The following SNF8 variants were observed in gnomAD, a reference collection of about 807,000 sequenced individuals.
SNF8 encodes SNF8 subunit of ESCRT-II.
In SNF8, 19 loss-of-function variants were observed where a neutral mutation model predicts 36.8. The ratio of observed to expected loss-of-function variants is 0.52; its 90% CI spans 0.36 to 0.76. SNF8 has a LOEUF of 0.76. SNF8 is among the 30% of genes least tolerant of loss of function. SNF8 has a pLI of 0.00. For missense variants in SNF8, 268 were observed against 322.9 expected (o/e 0.83, Z 1.30); for synonymous variants, 127 against 127.4 (o/e 1.00, Z 0.02).
chr17:48,933,626 T>C, intron 5 of SNF8: 1 of 337,370 alleles, frequency 3.0e-6, no homozygotes, highest in South Asian at 3.6e-5. Flanking sequence ...CTATAATCCT[T>C]GGGAGGCTGA....
Position 48,929,786 on chromosome 17 carries a change from G to C in SNF8, c.*689C>G, listed in dbSNP as rs1193820679. The C allele has an allele frequency of 6.6e-6, 1 of 152,178 alleles. No individual in the cohort carries two copies. The highest frequency in any genetic ancestry group is 1.5e-5 in the Non-Finnish European group (1 of 68,034). 9.4% of individuals were successfully genotyped at this position (152,178 alleles called of 1,614,324 possible). A position where few individuals can be genotyped will look rare whatever the true frequency, so the allele number is the denominator to read the frequency against. On this transcript the variant is annotated 3_prime_UTR_variant, in exon 8 of 8. Transcript: ENST00000502492. ...TTGGTGAAATTTAAGTGAGCTGTAT[G>C]TAAAATGGCACAGGGTAGGTGTTCA...
intron 5 of SNF8, 146 bp downstream of exon 5, chr17:48,936,013 ATTTTTTGTTTG>A (rs889122132): frequency 5.9e-5 from 29 of 487,860 alleles, no homozygotes; most frequent in Non-Finnish European, 2.9e-5. Context: ...CCTATCTCTT[ATTTTTTGTTTG>A]TTTTTTGTTT....
At position 48,943,908 on chromosome 17, in the gene SNF8, C is replaced by G. The variant is rs201779489; in HGVS notation, c.105+17G>C. 5.3e-5 allele frequency: 85 copies of G among 1,612,926 alleles called. No individual in the cohort carries two copies. Among genetic ancestry groups the G allele is most frequent in the Non-Finnish European group, 6.4e-5 (76 of 1,178,970 alleles). ...GTTAGGTCTCCCTCCCTGCCTGGGG[C>G]CCCCCAACCGACTTACCTGGGCTAG... On this transcript the variant is annotated intron_variant, in intron 2 of 7. Transcript: ENST00000502492.
rs1198648864 is a variant in SNF8, at chr17:48,930,185, A to G, written c.*290T>C. ...AGCTACAAAGACTAGACAGGCCAGGAAACAACCCACATTCTAGGCCCAGCT... is the reference window on the plus strand; with the variant it reads ...AGCTACAAAGACTAGACAGGCCAGGGAACAACCCACATTCTAGGCCCAGCT... On this transcript the variant is annotated 3_prime_UTR_variant, in exon 8 of 8. Transcript: ENST00000502492. 8.0e-6 allele frequency: 2 copies of G among 249,786 alleles called. No homozygotes were observed. Among genetic ancestry groups the G allele is most frequent in the Non-Finnish European group, 1.5e-5 (2 of 129,628 alleles). The allele number at this position is 249,786 out of a possible 1,614,324, so 15.5% of individuals were successfully genotyped here. A position where few individuals can be genotyped will look rare whatever the true frequency, so the allele number is the denominator to read the frequency against.
Position 48,930,520 on chromosome 17 carries a change from G to C in SNF8, c.732C>G (p.Tyr244Ter). ...YWLPALFTDLYSQEITAEEAR... is the reference protein window; with the variant it reads ...YWLPALFTDL ...CCTCCTCAGCTGTAATCTCCTGGGA[G>C]TAGAGGTCAGTGAAGAGAGCTGGCA... The change falls in exon 8 of 8, where the codon TAC becomes TAG. Residue 244 changes from tyrosine (Y) to a stop codon, truncating the protein, a stop_gained. Transcript: ENST00000502492. LOFTEE classifies it high-confidence loss of function. The C allele has an allele frequency of 6.2e-7, 1 of 1,612,450 alleles. No homozygotes were observed. The highest frequency in any genetic ancestry group is 8.5e-7 in the Non-Finnish European group (1 of 1,179,780).
intron 1 of SNF8, among the ~76,000 whole-genome samples, chr17:48,944,364 C>A (rs547897816): frequency 6.6e-6 from 1 of 152,344 alleles, no homozygotes; most frequent in South Asian, 2.1e-4. Context: ...TGTGCTGCCA[C>A]AGCTTTGGGA....
Position 48,929,366 on chromosome 17 carries a change from G to C in SNF8, c.*1109C>G, listed in dbSNP as rs2040822969. The C allele has an allele frequency of 6.6e-6, 1 of 152,164 alleles. No homozygotes were observed. The highest frequency in any genetic ancestry group is 6.5e-5 in the Admixed American group (1 of 15,270). 9.4% of individuals were successfully genotyped at this position (152,164 alleles called of 1,614,324 possible). A position where few individuals can be genotyped will look rare whatever the true frequency, so the allele number is the denominator to read the frequency against. On this transcript the variant is annotated 3_prime_UTR_variant, in exon 8 of 8. Transcript: ENST00000502492. ...TACAAGGATAGGCAGAGGAAGAGAT[G>C]GGCCCAGGCTATATCCTGCTAAAGG... is the stretch of plus-strand genomic sequence containing the variant.
chr17:48,936,698 T>C (rs943644069), intron 4 of SNF8: 1 of 404,112 alleles, frequency 2.5e-6, no homozygotes, highest in Non-Finnish European at 4.5e-6. Context: ...TGCAGGACTA[T>C]AGTTACTAAT....
chr17:48,941,611 C>T (rs1437583736), intron 2 of SNF8, among the ~76,000 whole-genome samples: 1 of 152,098 alleles, frequency 6.6e-6, no homozygotes, highest in Non-Finnish European at 1.5e-5. Flanking sequence ...CACCTGTAAT[C>T]CCACAACGGA....
intron 1 of SNF8, among the ~76,000 whole-genome samples, chr17:48,944,324 AAC>A (rs2041073478): frequency 1.3e-5 from 2 of 151,632 alleles, no homozygotes; most frequent in African/African-American, 4.8e-5. Flanking sequence ...AAAACAAAAA[AAC>A]ACAGAGTGGG....
At chr17:48,935,942 G>C (rs2040927442) in intron 5 of SNF8, 1 of 418,860 alleles carries the variant, frequency 2.4e-6, no homozygotes. Flanking sequence ...AGTAAGCAAT[G>C]ATCTTGGTAG....
intron 7 of SNF8, 71 bp downstream of exon 7, chr17:48,931,572 G>C (rs909351256): frequency 7.9e-7 from 1 of 1,259,610 alleles, no homozygotes; most frequent in Non-Finnish European, 1.1e-6. Flanking sequence ...TGAAGTTCCT[G>C]CATTTGTGGA....
At chr17:48,933,936 G>A (rs1244453321) in intron 5 of SNF8, among the ~76,000 whole-genome samples, 1 of 152,216 alleles carries the variant, frequency 6.6e-6, no homozygotes, top group Non-Finnish European at 1.5e-5. Flanking sequence ...GAGCTGAAGA[G>A]GCAATGGGGG....
At chr17:48,940,782 T>G (rs1375182874) in intron 3 of SNF8, 142 bp downstream of exon 3, 16 of 990,312 alleles carry the variant, frequency 1.6e-5, no homozygotes, top group Non-Finnish European at 2.2e-5. Context: ...AGAGCAAAAC[T>G]CCGTCTCAAA....
chr17:48,936,491 T>A (rs2040936143), intron 4 of SNF8, among the ~76,000 whole-genome samples: 1 of 152,220 alleles, frequency 6.6e-6, no homozygotes, highest in African/African-American at 2.4e-5. Flanking sequence ...AAACTATAAA[T>A]GTCCTCTTGA....
At chr17:48,944,589 G>T in intron 1 of SNF8, 92 bp downstream of exon 1, 2 of 1,357,642 alleles carry the variant, frequency 1.5e-6, no homozygotes, top group Non-Finnish European at 2.1e-6. Context: ...AGATTCTGTT[G>T]GGAGGTGATT....
In SNF8 at chr17:48,940,913, C is replaced by A; in HGVS notation, c.244+11G>T. On this transcript the variant is annotated intron_variant, in intron 3 of 7. Transcript: ENST00000502492. The stretch of plus-strand genomic sequence containing the variant: ...TATAAGAACGCTGGACCCCTACAGA[C>A]AACTTCTTACAGGCCAGCGGATCCA... 1 of 1,611,476 alleles carries A rather than the reference C, an allele frequency of 6.2e-7. No homozygotes were observed. Among genetic ancestry groups the A allele is most frequent in the Non-Finnish European group, 8.5e-7 (1 of 1,179,350 alleles).
rs368946273 is a variant in SNF8, at chr17:48,944,767, C to T, written c.-33G>A. ...CTGGGCCCGCGGGCCGCCCGGCTGC[C>T]GGGACCCCGGGTCTCCACGTCCCGG... is the stretch of plus-strand genomic sequence containing the variant. On this transcript the variant is annotated 5_prime_UTR_variant, in exon 1 of 8. Coordinates refer to ENST00000502492, the MANE Select transcript of SNF8 (RefSeq NM_007241.4). 43 of 1,582,686 alleles carry T rather than the reference C, an allele frequency of 2.7e-5. No homozygotes were observed. In the African/African-American group the frequency reaches 5.4e-4, roughly 20 times the overall value.
intron 7 of SNF8, among the ~76,000 whole-genome samples, chr17:48,931,009 A>G (rs571208669): frequency 2.6e-5 from 4 of 152,216 alleles, no homozygotes; most frequent in Non-Finnish European, 4.4e-5. Flanking sequence ...ATGATTGACC[A>G]TACTTATGCA....
Sources: gnomAD v4.1 joint callset for allele counts (sites outside exome capture counted in the v4.1 genomes callset) on GRCh38, gnomAD v4.1.1 for gene constraint, MANE v1.5 for transcripts, NCBI Gene and HGNC (gene_info 2026-07-23, HGNC 2026-07-21) for gene names.